The following DENND1A variants were observed in gnomAD, a reference collection of about 807,000 sequenced individuals.
The protein encoded by DENND1A is DENN domain containing 1A, also known as DENN domain-containing protein 1A.
A neutral mutation model predicts 113.7 loss-of-function variants in DENND1A; 51 were observed. The observed-to-expected ratio is 0.45, with a 90% CI of 0.36 to 0.57. The LOEUF is 0.57. DENND1A is among the 20% of genes least tolerant of loss of function. DENND1A has a pLI of 0.00. For synonymous variants in DENND1A, 565 were observed against 570.8 expected, an observed-to-expected ratio of 0.99 and a Z score of 0.14; for missense variants, 1,258 against 1,395.9, an observed-to-expected ratio of 0.90 and a Z score of 1.57.
At chr9:123,813,574 C>G (rs919937948) in intron 2 of DENND1A, among the ~76,000 whole-genome samples, 11 of 151,826 alleles carry the variant, frequency 7.2e-5, no homozygotes, top group Admixed American at 5.2e-4. Flanking sequence ...CAAGTCATAA[C>G]TAATGACATT....
intron 5 of DENND1A, among the ~76,000 whole-genome samples, chr9:123,740,617 T>G (rs2068929039): frequency 6.6e-6 from 1 of 152,176 alleles, no homozygotes; most frequent in African/African-American, 2.4e-5. Context: ...AATTCTCTGT[T>G]GCTAACTCCT....
intron 13 of DENND1A, among the ~76,000 whole-genome samples, chr9:123,479,909 T>C (rs1294528125): frequency 2.0e-5 from 3 of 152,172 alleles, no homozygotes; most frequent in Non-Finnish European, 4.4e-5. Context: ...TCCAAGAAAC[T>C]CAGAAAAGAG....
intron 3 of DENND1A, among the ~76,000 whole-genome samples, chr9:123,774,811 G>T (rs1361808345): frequency 6.6e-6 from 1 of 151,966 alleles, no homozygotes; most frequent in Non-Finnish European, 1.5e-5. Context: ...GTAATTCAAA[G>T]ATAAATATAA....
At chr9:123,672,656 T>C (rs570540730) in intron 6 of DENND1A, among the ~76,000 whole-genome samples, 1 of 152,346 alleles carries the variant, frequency 6.6e-6, no homozygotes, top group East Asian at 1.9e-4. Flanking sequence ...AGTGGGCTTC[T>C]GATAAAGGAT....
chr9:123,420,259 T>C (rs965783952), intron 19 of DENND1A, among the ~76,000 whole-genome samples: 4 of 152,132 alleles, frequency 2.6e-5, no homozygotes, highest in Non-Finnish European at 4.4e-5. Context: ...GGCTCTATTA[T>C]GATTGCCGCT....
Position 123,631,937 on chromosome 9 carries a change from T to C in DENND1A, c.619-1461A>G, listed in dbSNP as rs1271741106. ...AAGTGACAAAAGCCAACAACACATATTTCTTTCTGTCTTTTTTTCTTTAAT... is the reference window on the plus strand; with the variant it reads ...AAGTGACAAAAGCCAACAACACATACTTCTTTCTGTCTTTTTTTCTTTAAT... On this transcript the variant is annotated intron_variant, in intron 9 of 23. Coordinates refer to ENST00000394215, the MANE Select transcript of DENND1A (RefSeq NM_001352964.2). 3.9e-5 allele frequency among the ~76,000 whole-genome samples: 6 copies of C among 152,306 alleles called. No individual in the cohort carries two copies. The Middle Eastern group carries it at 0.014, about 345-fold the overall frequency.
chr9:123,403,373 C>T (rs1334288231), intron 21 of DENND1A, 29 bp downstream of exon 21: 2 of 1,611,544 alleles, frequency 1.2e-6, no homozygotes. Context: ...AGGGTTCTTA[C>T]AGACAGAGGG....
intron 13 of DENND1A, among the ~76,000 whole-genome samples, chr9:123,510,013 G>A (rs1588906800): frequency 6.6e-6 from 1 of 152,208 alleles, no homozygotes; most frequent in Non-Finnish European, 1.5e-5. Context: ...TCTCCTGGAC[G>A]AGAAAGCTGT....
intron 9 of DENND1A, among the ~76,000 whole-genome samples, chr9:123,645,944 CCA>C (rs1330311609): frequency 1.3e-5 from 2 of 152,184 alleles, no homozygotes; most frequent in Admixed American, 1.3e-4. Context: ...CTCTCAGAGG[CCA>C]GTCACCCCGC....
intron 1 of DENND1A, among the ~76,000 whole-genome samples, chr9:123,899,592 C>A (rs73669014): frequency 0.083 from 12,586 of 152,128 alleles, 1,095 homozygotes; most frequent in African/African-American, 0.22. Flanking sequence ...AAAATAATAT[C>A]TGATTTAGGG....
At chr9:123,478,125 C>T (rs534893389) in intron 13 of DENND1A, among the ~76,000 whole-genome samples, 1 of 152,324 alleles carries the variant, frequency 6.6e-6, no homozygotes, top group East Asian at 1.9e-4. Context: ...CTGAGATAGG[C>T]AATGCCGAGA....
intron 18 of DENND1A, among the ~76,000 whole-genome samples, chr9:123,441,900 T>A (rs1270267834): frequency 1.3e-5 from 2 of 152,216 alleles, no homozygotes; most frequent in East Asian, 3.8e-4. Context: ...TCCTAACTTC[T>A]CAGCTAAGAG....
rs545786839 is a variant in DENND1A, at chr9:123,870,559, C to A, written c.88+8392G>T. ...TCAAGCGATTCTCCTGCCTCAGCCT[C>A]CTGAGTAGCTTGAATTACAGGTGCA... is the stretch of plus-strand genomic sequence containing the variant. On this transcript the variant is annotated intron_variant, in intron 2 of 23. Transcript: ENST00000394215. 3.3e-5 allele frequency among the ~76,000 whole-genome samples: 5 copies of A among 151,948 alleles called. 1 individual carries two copies. The South Asian group carries it at 1.0e-3, about 32-fold the overall frequency.
intron 2 of DENND1A, among the ~76,000 whole-genome samples, chr9:123,852,254 A>C (rs1365923906): frequency 6.6e-6 from 1 of 152,028 alleles, no homozygotes; most frequent in African/African-American, 2.4e-5. Context: ...TCTCATCCTC[A>C]CCTAAGCCTG....
intron 4 of DENND1A, among the ~76,000 whole-genome samples, chr9:123,760,692 ATACT>A (rs1364150395): frequency 2.3e-4 from 35 of 152,308 alleles, no homozygotes; most frequent in Admixed American, 2.3e-3. Context: ...TGGTGATTTA[ATACT>A]ATGTTTTAAA....
intron 2 of DENND1A, 96 bp from the exon 3 acceptor site, chr9:123,792,726 TGGCAGGGGATCCAAGGGG>T (rs1386102838): frequency 1.4e-6 from 2 of 1,415,278 alleles, no homozygotes; most frequent in Non-Finnish European, 2.0e-6. Context: ...ATAGCAGCCC[TGGCAGGGGATCCAAGGGG>T]GGCAGCTGAG....
At chr9:123,672,527 G>A (rs1564922787) in intron 6 of DENND1A, among the ~76,000 whole-genome samples, 1 of 152,168 alleles carries the variant, frequency 6.6e-6, no homozygotes, top group African/African-American at 2.4e-5. Flanking sequence ...AATTATTGCT[G>A]TGGTTTAAAT....
At chr9:123,423,915 T>A (rs1190733966) in intron 19 of DENND1A, among the ~76,000 whole-genome samples, 2 of 152,172 alleles carry the variant, frequency 1.3e-5, no homozygotes, top group Non-Finnish European at 1.5e-5. Flanking sequence ...GGGCTACCCG[T>A]AAAGTTGGTT....
chr9:123,738,441 T>TTGTGTGTGTGTGTGTGTGTG (rs760641686), intron 5 of DENND1A, among the ~76,000 whole-genome samples: 2 of 123,376 alleles, frequency 1.6e-5, no homozygotes, highest in Admixed American at 7.6e-5. Flanking sequence ...TGTCAACAGC[T>TTGTGTGTGTGTGTGTGTGTG]TCTGTGTGTG....
Sources: allele counts gnomAD v4.1 joint callset (sites outside exome capture counted in the v4.1 genomes callset), GRCh38; gene constraint gnomAD v4.1.1; transcripts MANE v1.5; gene names NCBI Gene and HGNC (gene_info 2026-07-23, HGNC 2026-07-21).